SLC8A1: variants seen among roughly 807,000 people sequenced by gnomAD.
The protein encoded by SLC8A1 is solute carrier family 8 member A1.
In SLC8A1, 18 loss-of-function variants were observed where a neutral mutation model predicts 68.3. The ratio of observed to expected loss-of-function variants is 0.26; its 90% CI spans 0.18 to 0.39. The LOEUF (loss-of-function observed/expected upper bound fraction) is 0.39. Among genes scored for constraint, SLC8A1 ranks in the 10% least tolerant of loss-of-function variants. The probability of loss-of-function intolerance (pLI) is 1.00; values close to 1 mark genes in which losing one functional copy is unlikely to be tolerated. For synonymous variants in SLC8A1, 475 were observed against 415.5 expected, an observed-to-expected ratio of 1.14 and a Z score of -1.74; for missense variants, 985 against 1,156.7, an observed-to-expected ratio of 0.85 and a Z score of 2.15.
At chr2:40,436,658 GAC>G (rs1164549339) in intron 1 of SLC8A1, among the ~76,000 whole-genome samples, 1 of 152,022 alleles carries the variant, frequency 6.6e-6, no homozygotes, top group African/African-American at 2.4e-5. Flanking sequence ...ACAATTAAAA[GAC>G]ACATATTCAA....
intron 2 of SLC8A1, among the ~76,000 whole-genome samples, chr2:40,288,455 G>A (rs1290580968): frequency 3.3e-5 from 5 of 152,034 alleles, no homozygotes; most frequent in Non-Finnish European, 7.4e-5. Context: ...ATTCTTGCTG[G>A]TCATGGCTTG....
chr2:40,170,404 C>T (rs2047264878), intron 4 of SLC8A1, 55 bp from the exon 7 acceptor site: 1 of 1,482,118 alleles, frequency 6.7e-7, no homozygotes, highest in African/African-American at 1.4e-5. Flanking sequence ...GATTTGCTAT[C>T]AGAGCTTTGT....
At chr2:40,421,940 T>C (rs1576360822) in intron 2 of SLC8A1, among the ~76,000 whole-genome samples, 1 of 152,104 alleles carries the variant, frequency 6.6e-6, no homozygotes, top group African/African-American at 2.4e-5. Context: ...CTCTAATGCT[T>C]CCCATATTGT....
At chr2:40,459,537 G>C (rs1208064153) in intron 1 of SLC8A1, among the ~76,000 whole-genome samples, 1 of 152,180 alleles carries the variant, frequency 6.6e-6, no homozygotes, top group African/African-American at 2.4e-5. Context: ...ACATCCAAGA[G>C]TTGTTTCAAA....
At chr2:40,434,214 G>T (rs573901124) in intron 1 of SLC8A1, among the ~76,000 whole-genome samples, 1 of 152,114 alleles carries the variant, frequency 6.6e-6, no homozygotes, top group Non-Finnish European at 1.5e-5. Context: ...GGGGGCTTCC[G>T]GTGTTAACTA....
At chr2:40,382,320 A>G (rs1049947522) in intron 2 of SLC8A1, among the ~76,000 whole-genome samples, 1 of 152,140 alleles carries the variant, frequency 6.6e-6, no homozygotes, top group Admixed American at 6.5e-5. Flanking sequence ...TCTCTGTAGC[A>G]CAGTGAGTAC....
chr2:40,318,741 G>A (rs1575363263), intron 2 of SLC8A1, among the ~76,000 whole-genome samples: 1 of 152,060 alleles, frequency 6.6e-6, no homozygotes. Flanking sequence ...GAAAGTATAT[G>A]CATTGAAATT....
intron 2 of SLC8A1, among the ~76,000 whole-genome samples, chr2:40,312,765 C>T (rs143418288): frequency 1.3e-5 from 2 of 152,090 alleles, no homozygotes; most frequent in African/African-American, 2.4e-5. Context: ...AGATATAATG[C>T]CAAACTTTAT....
intron 2 of SLC8A1, among the ~76,000 whole-genome samples, chr2:40,222,089 T>C (rs1011092791): frequency 1.3e-5 from 2 of 152,000 alleles, no homozygotes. Context: ...AGAACAAAGC[T>C]GGAGGCATCA....
intron 2 of SLC8A1, among the ~76,000 whole-genome samples, chr2:40,399,854 A>G (rs1271633483): frequency 1.3e-5 from 2 of 152,074 alleles, no homozygotes; most frequent in African/African-American, 4.8e-5. Context: ...CCTGCCTCCA[A>G]AGAAAGAAAA....
In SLC8A1 at chr2:40,200,239, AATATATAT is replaced by A. The variant is rs1205217029; in HGVS notation, c.1809-22392_1809-22385del. On this transcript the variant is annotated intron_variant, in intron 2 of 7. Coordinates refer to ENST00000406785, the Ensembl canonical transcript of SLC8A1. ...ATATATTTTTTTATATATATATATA[AATATATAT>A]ATATATATATATATATATATAACCT... Among the ~76,000 whole-genome samples the A allele has an allele frequency of 3.6e-3, 61 of 16,794 alleles. 1 individual carries two copies. The highest frequency in any genetic ancestry group is 8.2e-3 in the African/African-American group (37 of 4,536). The allele number at this position is 16,794 out of a possible 152,430, so 11.0% of individuals were successfully genotyped here. A position where few individuals can be genotyped will look rare whatever the true frequency, so the allele number is the denominator to read the frequency against.
At chr2:40,240,604 TG>T (rs1311571787) in intron 2 of SLC8A1, among the ~76,000 whole-genome samples, 2 of 152,266 alleles carry the variant, frequency 1.3e-5, no homozygotes, top group Non-Finnish European at 2.9e-5. Flanking sequence ...AACACTTTTT[TG>T]TATAAATACA....
intron 2 of SLC8A1, among the ~76,000 whole-genome samples, chr2:40,307,575 G>A (rs183186980): frequency 6.6e-5 from 10 of 152,094 alleles, no homozygotes; most frequent in African/African-American, 9.7e-5. Flanking sequence ...ATAATTCAGC[G>A]AAAGGAAACA....
At chr2:40,418,115 C>T (rs915232033) in intron 2 of SLC8A1, among the ~76,000 whole-genome samples, 2 of 152,088 alleles carry the variant, frequency 1.3e-5, no homozygotes, top group African/African-American at 4.8e-5. Context: ...ATAATTCAAA[C>T]CTATAGAGGA....
intron 7 of SLC8A1, among the ~76,000 whole-genome samples, chr2:40,125,302 G>A (rs1034575653): frequency 5.3e-5 from 8 of 152,134 alleles, no homozygotes; most frequent in African/African-American, 1.7e-4. Context: ...GGAAGGAGTG[G>A]AATAGAAGAA....
chr2:40,263,822 T>G (rs377544212), intron 2 of SLC8A1, among the ~76,000 whole-genome samples: 2 of 152,090 alleles, frequency 1.3e-5, no homozygotes, highest in African/African-American at 4.8e-5. Context: ...CAAAAAGCAA[T>G]GATAACAAAA....
chr2:40,509,627 C>T (rs373418583), intron 1 of SLC8A1, among the ~76,000 whole-genome samples: 62 of 151,964 alleles, frequency 4.1e-4, no homozygotes, highest in African/African-American at 1.5e-3. Context: ...AAAAGTGCTT[C>T]CTCCTCTTGT....
intron 2 of SLC8A1, among the ~76,000 whole-genome samples, chr2:40,406,648 G>A (rs1026226552): frequency 2.0e-5 from 3 of 152,048 alleles, no homozygotes; most frequent in African/African-American, 7.3e-5. Flanking sequence ...GCAGAGCTGT[G>A]GGAACCCAAG....
At chr2:40,133,861 C>T (rs957765799) in intron 7 of SLC8A1, among the ~76,000 whole-genome samples, 1 of 152,134 alleles carries the variant, frequency 6.6e-6, no homozygotes, top group African/African-American at 2.4e-5. Context: ...CCAATATACC[C>T]AAGGCTTATC....
Sources: gnomAD v4.1 joint callset for allele counts (sites outside exome capture counted in the v4.1 genomes callset) on GRCh38, gnomAD v4.1.1 for gene constraint, MANE v1.5 for transcripts, NCBI Gene and HGNC (gene_info 2026-07-23, HGNC 2026-07-21) for gene names.